PGBD5: variants seen among roughly 807,000 people sequenced by gnomAD.
PGBD5 encodes piggyBac transposable element derived 5.
PGBD5 carries 14 observed loss-of-function variants against 47.9 expected under a neutral mutation model. The ratio of observed to expected loss-of-function variants is 0.29; its 90% confidence interval spans 0.19 to 0.46. The LOEUF (loss-of-function observed/expected upper bound fraction) is 0.46, where lower values mean the gene tolerates loss of function less well. PGBD5 is among the 20% of genes least tolerant of loss of function. The pLI, the probability that PGBD5 is intolerant of heterozygous loss-of-function variation, is 1.00. For synonymous variants in PGBD5, 316 were observed against 306.3 expected (o/e 1.03, Z -0.33); for missense variants, 635 against 716.0 (o/e 0.89, Z 1.29).
chr1:230,404,625 A>ATATATATAT (rs1553290460), intron 1 of PGBD5, among the ~76,000 whole-genome samples: 1 of 125,990 alleles, frequency 7.9e-6, no homozygotes, highest in African/African-American at 3.1e-5. Flanking sequence ...AAAAAAAAAA[A>ATATATATAT]AAAAATATAT....
chr1:230,395,340 A>C (rs1571856835), intron 1 of PGBD5, among the ~76,000 whole-genome samples: 1 of 21,066 alleles, frequency 4.7e-5, no homozygotes. Flanking sequence ...TCCCCATCCC[A>C]GCTCCTCTCA....
At chr1:230,362,431 A>G (rs1360478834) in intron 1 of PGBD5, 1 of 1,300,164 alleles carries the variant, frequency 7.7e-7, no homozygotes, top group Non-Finnish European at 1.0e-6. Flanking sequence ...TCAGACCTGG[A>G]CCGTGGCAAG....
intron 1 of PGBD5, among the ~76,000 whole-genome samples, chr1:230,411,853 C>T (rs1251224469): frequency 1.3e-5 from 2 of 152,044 alleles, no homozygotes; most frequent in Non-Finnish European, 2.9e-5. Context: ...GAAAAGACTA[C>T]AGAATCATAG....
At chr1:230,359,757 TATC>T (rs1194806891) in intron 1 of PGBD5, among the ~76,000 whole-genome samples, 3 of 152,194 alleles carry the variant, frequency 2.0e-5, no homozygotes, top group African/African-American at 7.2e-5. Flanking sequence ...TTTACCAAGA[TATC>T]ATCAACAGAA....
intron 4 of PGBD5, among the ~76,000 whole-genome samples, chr1:230,335,862 CACAG>C (rs1667315053): frequency 1.7e-4 from 1 of 5,754 alleles, no homozygotes; most frequent in African/African-American, 2.1e-4. Flanking sequence ...CAGATACACA[CACAG>C]ATGCATACAC....
chr1:230,353,986 AG>A (rs1667598611), intron 2 of PGBD5, among the ~76,000 whole-genome samples: 1 of 152,186 alleles, frequency 6.6e-6, no homozygotes, highest in African/African-American at 2.4e-5. Context: ...CTGGCAACCC[AG>A]GGAACAGCAA....
intron 1 of PGBD5, among the ~76,000 whole-genome samples, chr1:230,391,245 G>A (rs828469): frequency 3.3e-5 from 5 of 151,716 alleles, no homozygotes; most frequent in Non-Finnish European, 5.9e-5. Flanking sequence ...TAACATCTCC[G>A]AGGGCCTGAG....
intron 1 of PGBD5, among the ~76,000 whole-genome samples, chr1:230,387,450 C>T (rs971707670): frequency 1.3e-5 from 2 of 152,194 alleles, no homozygotes; most frequent in East Asian, 1.9e-4. Flanking sequence ...CTTGGGGAAG[C>T]GCCTGTGGCC....
intron 1 of PGBD5, among the ~76,000 whole-genome samples, chr1:230,376,473 C>G (rs1668016894): frequency 6.6e-6 from 1 of 152,216 alleles, no homozygotes; most frequent in African/African-American, 2.4e-5. Context: ...CACCAACAGC[C>G]TGGGTGTCAA....
intron 1 of PGBD5, among the ~76,000 whole-genome samples, chr1:230,421,080 G>A (rs374844579): frequency 6.6e-6 from 1 of 152,172 alleles, no homozygotes; most frequent in Non-Finnish European, 1.5e-5. Context: ...CTGTTCCAGT[G>A]TATGCAAAGC....
intron 1 of PGBD5, among the ~76,000 whole-genome samples, chr1:230,393,815 A>G (rs1432861539): frequency 8.0e-6 from 1 of 125,208 alleles, no homozygotes; most frequent in African/African-American, 2.9e-5. Context: ...ACAGAACGAG[A>G]CTCCGTCTCA....
chr1:230,421,468 C>T (rs972494217), intron 1 of PGBD5, among the ~76,000 whole-genome samples: 4 of 152,148 alleles, frequency 2.6e-5, no homozygotes, highest in Admixed American at 6.5e-5. Context: ...TCATCACCCC[C>T]GGGAAAGTGA....
At chr1:230,331,336 T>A (rs1667211562) in intron 5 of PGBD5, among the ~76,000 whole-genome samples, 1 of 152,076 alleles carries the variant, frequency 6.6e-6, no homozygotes. Flanking sequence ...GATTTGTTTG[T>A]GCTCAGGAAT....
At chr1:230,390,729 G>C (rs1656760803) in intron 1 of PGBD5, among the ~76,000 whole-genome samples, 1 of 152,062 alleles carries the variant, frequency 6.6e-6, no homozygotes, top group Non-Finnish European at 1.5e-5. Context: ...TTTTAGCAGA[G>C]GCTCATTGCC....
chr1:230,331,888 G>C (rs1217464950), intron 5 of PGBD5, among the ~76,000 whole-genome samples: 1 of 151,676 alleles, frequency 6.6e-6, no homozygotes, highest in East Asian at 2.0e-4. Context: ...CCCATCTGCT[G>C]GGGTCCCTTG....
chr1:230,363,563 C>CAAAAA (rs1667783279), intron 1 of PGBD5, among the ~76,000 whole-genome samples: 1 of 151,018 alleles, frequency 6.6e-6, no homozygotes, highest in Non-Finnish European at 1.5e-5. Flanking sequence ...GCCTGGGTGA[C>CAAAAA]AGAGCGAGAC....
chr1:230,393,896 C>T (rs35659023), intron 1 of PGBD5, among the ~76,000 whole-genome samples: 3,113 of 151,862 alleles, frequency 0.02, 44 homozygotes, highest in Non-Finnish European at 0.027. Flanking sequence ...CATGTGGCTT[C>T]GCAAGGCTCT....
At chr1:230,338,844 G>T (rs575963222) in intron 3 of PGBD5, among the ~76,000 whole-genome samples, 1 of 152,056 alleles carries the variant, frequency 6.6e-6, no homozygotes, top group Non-Finnish European at 1.5e-5. Context: ...AAAAAAGCCC[G>T]CAATGGGGCC....
intron 1 of PGBD5, among the ~76,000 whole-genome samples, chr1:230,401,994 C>A (rs934324162): frequency 3.3e-5 from 5 of 152,184 alleles, no homozygotes; most frequent in Admixed American, 3.3e-4. Context: ...CACTGTAAGA[C>A]AGCAGCAGCC....
Sources: gnomAD v4.1 joint callset for allele counts (sites outside exome capture counted in the v4.1 genomes callset) on GRCh38, gnomAD v4.1.1 for gene constraint, MANE v1.5 for transcripts, NCBI Gene and HGNC (gene_info 2026-07-23, HGNC 2026-07-21) for gene names.